Variants in MYLIP observed in about 807,000 individuals in gnomAD.
MYLIP encodes the protein E3 ubiquitin-protein ligase MYLIP.
Under a neutral mutation model 45.8 loss-of-function variants are expected in MYLIP, and 26 were observed. The ratio of observed to expected loss-of-function variants is 0.57; its 90% confidence interval spans 0.42 to 0.79. The LOEUF (loss-of-function observed/expected upper bound fraction) is 0.79. Ranked by LOEUF, MYLIP falls within the 30% of genes least tolerant of loss-of-function variation. The pLI is 0.00. For missense variants in MYLIP, 494 were observed against 555.6 expected, an observed-to-expected ratio of 0.89 and a Z score of 1.11; for synonymous variants, 213 against 218.1, an observed-to-expected ratio of 0.98 and a Z score of 0.21.
rs139744710 is a variant in MYLIP at position 16,143,276 on chromosome 6, T to C, written c.662+59T>C. 9 of 1,520,552 alleles carry C rather than the reference T, an allele frequency of 5.9e-6. No individual in the cohort carries two copies. In the East Asian group the frequency reaches 1.8e-4, roughly 31 times the overall value. 94.2% of individuals were successfully genotyped at this position (1,520,552 alleles called of 1,614,324 possible). A position where few individuals can be genotyped will look rare whatever the true frequency, so the allele number is the denominator to read the frequency against. On this transcript the variant is annotated intron_variant, in intron 4 of 6. Coordinates refer to ENST00000356840, the MANE Select transcript of MYLIP (RefSeq NM_013262.4). ...ATGTGTATACATCTGTAGCTGTCAA[T>C]GTAATAGAAAATAGGAAGGGATTTA...
intron 2 of MYLIP, among the ~76,000 whole-genome samples, chr6:16,137,311 C>T (rs1365919793): frequency 1.3e-5 from 2 of 152,134 alleles, no homozygotes; most frequent in Non-Finnish European, 2.9e-5. Flanking sequence ...TTAAGTGACT[C>T]ATTGGACTGA....
At chr6:16,140,637 C>T (rs1459946037) in intron 2 of MYLIP, among the ~76,000 whole-genome samples, 1 of 152,090 alleles carries the variant, frequency 6.6e-6, no homozygotes, top group Admixed American at 6.5e-5. Flanking sequence ...AGCAGCAAGA[C>T]CAGAGACACC....
At chr6:16,143,316 C>G (rs1251123078) in intron 4 of MYLIP, 99 bp downstream of exon 4, 13 of 1,191,598 alleles carry the variant, frequency 1.1e-5, no homozygotes, top group Middle Eastern at 2.3e-4. Flanking sequence ...ACAGTCAGCT[C>G]TTAGGAATGA....
chr6:16,139,197 T>C (rs1468480243), intron 2 of MYLIP, among the ~76,000 whole-genome samples: 1 of 151,996 alleles, frequency 6.6e-6, no homozygotes, highest in Non-Finnish European at 1.5e-5. Flanking sequence ...GGTCAGGAGA[T>C]TGAGACCATC....
rs898002067 is a variant in MYLIP at position 16,146,861 on chromosome 6, C to T, written c.*110C>T. 4.6e-5 allele frequency: 36 copies of T among 778,750 alleles called. No homozygotes were observed. Among genetic ancestry groups the T allele is most frequent in the African/African-American group, 3.5e-4 (16 of 45,904 alleles). 48.2% of individuals were successfully genotyped at this position (778,750 alleles called of 1,614,324 possible). On this transcript the variant is annotated 3_prime_UTR_variant, in exon 7 of 7. Transcript: ENST00000356840. ...ATTATTCCAACACCCATCTGCCATG[C>T]GATGTTAAAAAAAAAAAAAAGGAAG...
At chr6:16,150,740 A>G (rs796656996), downstream of MYLIP, among the ~76,000 whole-genome samples, 8 of 152,350 alleles carry the variant, frequency 5.3e-5, no homozygotes, top group African/African-American at 1.9e-4. Context: ...GATCTGCCAA[A>G]GATAAAATTT....
chr6:16,139,252 T>G (rs1277792780), intron 2 of MYLIP, among the ~76,000 whole-genome samples: 1 of 151,864 alleles, frequency 6.6e-6, no homozygotes, highest in African/African-American at 2.4e-5. Flanking sequence ...AATACAAAAA[T>G]TAGACAGGCA....
At chr6:16,145,646 C>T (rs532240853) in intron 6 of MYLIP, among the ~76,000 whole-genome samples, 7 of 152,116 alleles carry the variant, frequency 4.6e-5, no homozygotes, top group Non-Finnish European at 7.4e-5. Context: ...AGGGCTGCTT[C>T]CTCTATTTCA....
downstream of MYLIP, among the ~76,000 whole-genome samples, chr6:16,148,661 A>G (rs1759842487): frequency 6.6e-6 from 1 of 152,182 alleles, no homozygotes; most frequent in Admixed American, 6.5e-5. Flanking sequence ...GAAGTTAACA[A>G]TTAACAACCC....
downstream of MYLIP, among the ~76,000 whole-genome samples, chr6:16,149,765 A>G (rs577389100): frequency 6.6e-6 from 1 of 152,272 alleles, no homozygotes; most frequent in Non-Finnish European, 1.5e-5. Flanking sequence ...ATCTGTCAAC[A>G]TGAAAAGAAT....
chr6:16,134,351 A>C (rs1048093496), intron 2 of MYLIP, among the ~76,000 whole-genome samples: 3 of 152,242 alleles, frequency 2.0e-5, no homozygotes, highest in African/African-American at 7.2e-5. Flanking sequence ...TTGCTTTTAT[A>C]AACTGAAAAG....
At chr6:16,153,356 T>C in the MYLIP span, among the ~76,000 whole-genome samples, 9 of 152,222 alleles carry the variant, frequency 5.9e-5, no homozygotes, top group Non-Finnish European at 1.2e-4. Context: ...ACATGCTGCC[T>C]TTCCCTGCTC....
chr6:16,154,914 C>T, the MYLIP span, among the ~76,000 whole-genome samples: 1 of 152,170 alleles, frequency 6.6e-6, no homozygotes, highest in Non-Finnish European at 1.5e-5. Flanking sequence ...AGTGAGAAGG[C>T]AGACAGGTAA....
chr6:16,140,217 A>C (rs536590946), intron 2 of MYLIP, among the ~76,000 whole-genome samples: 11 of 152,368 alleles, frequency 7.2e-5, no homozygotes, highest in Admixed American at 2.6e-4. Context: ...AAGTCATCGA[A>C]GGAAGGTTAA....
the MYLIP span, among the ~76,000 whole-genome samples, chr6:16,156,365 C>T: frequency 6.6e-6 from 1 of 152,216 alleles, no homozygotes; most frequent in Non-Finnish European, 1.5e-5. Context: ...GTAAAATAAA[C>T]ATGTGAACAT....
chr6:16,147,945 G>A lies in MYLIP; in HGVS notation c.*1194G>A, dbSNP rs2205794. On this transcript the variant is annotated 3_prime_UTR_variant, in exon 7 of 7. Transcript: ENST00000356840. The stretch of plus-strand genomic sequence containing the variant: ...GTCGGGAGACCTAGATGACCTTATC[G>A]GGTGCAATACTAGCTAAGGTAAAGC... The A allele has an allele frequency of 0.034, 5,127 of 152,608 alleles. 162 individuals are homozygous for A. Among genetic ancestry groups the A allele is most frequent in the East Asian group, 0.19 (966 of 5,180 alleles). 9.5% of individuals were successfully genotyped at this position (152,608 alleles called of 1,614,324 possible).
chr6:16,148,224 G>C lies in MYLIP; in HGVS notation c.*1473G>C, dbSNP rs948018857. 2 of 152,354 alleles carry C rather than the reference G, an allele frequency of 1.3e-5. No homozygotes were observed. The highest frequency in any genetic ancestry group is 2.9e-5 in the Non-Finnish European group (2 of 67,992). The allele number at this position is 152,354 out of a possible 1,614,324, so 9.4% of individuals were successfully genotyped here. A position where few individuals can be genotyped will look rare whatever the true frequency, so the allele number is the denominator to read the frequency against. On this transcript the variant is annotated 3_prime_UTR_variant, in exon 7 of 7. Coordinates refer to ENST00000356840, the MANE Select transcript of MYLIP (RefSeq NM_013262.4). ...CTAGAGGACTCTGTCTTTTATATTC[G>C]GGATAATAAAGACTTTAAAGCAAAC...
At chr6:16,161,981 C>T in the MYLIP span, among the ~76,000 whole-genome samples, 3 of 152,116 alleles carry the variant, frequency 2.0e-5, no homozygotes, top group Non-Finnish European at 2.9e-5. Context: ...AGAAGATAAA[C>T]ATTTTTGCAA....
At chr6:16,153,694 G>A in the MYLIP span, among the ~76,000 whole-genome samples, 1 of 152,202 alleles carries the variant, frequency 6.6e-6, no homozygotes, top group Non-Finnish European at 1.5e-5. Context: ...GAGTGTGTGT[G>A]CCAGAGTTAG....
Sources: gnomAD v4.1 joint callset for allele counts (sites outside exome capture counted in the v4.1 genomes callset) on GRCh38, gnomAD v4.1.1 for gene constraint, MANE v1.5 for transcripts, NCBI Gene and HGNC (gene_info 2026-07-23, HGNC 2026-07-21) for gene names.